The following DYNC2I2 variants were observed in gnomAD, a reference collection of about 807,000 sequenced individuals.
DYNC2I2 encodes dynein 2 intermediate chain 2.
Under a neutral mutation model 52.0 loss-of-function variants are expected in DYNC2I2, and 39 were observed. That is an observed-to-expected ratio of 0.75 (90% confidence interval 0.58 to 0.98). DYNC2I2 has a LOEUF of 0.98. DYNC2I2 is among the 50% of genes least tolerant of loss of function. The pLI, the probability that DYNC2I2 is intolerant of heterozygous loss-of-function variation, is 0.00. For missense variants in DYNC2I2, 743 were observed against 728.4 expected (o/e 1.02, Z -0.23); for synonymous variants, 359 against 321.1 (o/e 1.12, Z -1.26).
chr9:128,646,849 G>A (rs757500250), intron 1 of DYNC2I2, among the ~76,000 whole-genome samples: 2 of 151,892 alleles, frequency 1.3e-5, no homozygotes, highest in Admixed American at 1.3e-4. Context: ...CAGGTTGGCT[G>A]GGCACAGTGG....
Position 128,634,267 on chromosome 9 carries a change from G to A in DYNC2I2, c.1331C>T (p.Ser444Phe), listed in dbSNP as rs1210342300. 2 of 1,613,900 alleles carry A rather than the reference G, an allele frequency of 1.2e-6. No individual in the cohort carries two copies. Among genetic ancestry groups the A allele is most frequent in the Admixed American group, 3.3e-5 (2 of 60,018 alleles). Residue 444 changes from serine to phenylalanine, a missense_variant, in exon 8 of 9, where the codon TCC (serine) becomes TTC (phenylalanine). Ser to Phe is a radical substitution (Grantham distance 155, BLOSUM62 -2). Coordinates refer to ENST00000372715, the MANE Select transcript of DYNC2I2 (RefSeq NM_052844.4). ...SLKYLFAVRW[S>F]PVRPLVFAAA... ...TGCAAAAACCAAGGGCCGCACTGGG[G>A]ACCAGCGCACAGCAAACAGATACTT...
rs191092320 is a variant in DYNC2I2 at position 128,642,639 on chromosome 9, T to C, written c.187-1700A>G. ...CAAAAAAATTAGCCGGGCATGGTCC[T>C]GGGTGCCTGTAGTCCCAGCTACTCG... On this transcript the variant is annotated intron_variant, in intron 1 of 8. Coordinates refer to ENST00000372715, the MANE Select transcript of DYNC2I2 (RefSeq NM_052844.4). 8.1e-4 allele frequency among the ~76,000 whole-genome samples: 123 copies of C among 151,360 alleles called. 1 individual carries two copies. The East Asian group carries it at 0.019, about 24-fold the overall frequency.
At chr9:128,640,456 G>A (rs1043184962) in intron 2 of DYNC2I2, among the ~76,000 whole-genome samples, 1 of 152,186 alleles carries the variant, frequency 6.6e-6, no homozygotes, top group African/African-American at 2.4e-5. Flanking sequence ...TTCCATATAG[G>A]GTGTCCATCT....
At chr9:128,654,917 A>C (rs1432456885) in intron 1 of DYNC2I2, among the ~76,000 whole-genome samples, 1 of 151,990 alleles carries the variant, frequency 6.6e-6, no homozygotes, top group Admixed American at 6.6e-5. Flanking sequence ...ACCTTCTAAC[A>C]CACTGCATAA....
chr9:128,681,280 A>T, the DYNC2I2 span, among the ~76,000 whole-genome samples: 1 of 150,618 alleles, frequency 6.6e-6, no homozygotes, highest in Admixed American at 6.6e-5. Context: ...TAGTAGAGAC[A>T]GGGTTTCACC....
At chr9:128,665,542 G>A in the DYNC2I2 span, among the ~76,000 whole-genome samples, 2 of 152,018 alleles carry the variant, frequency 1.3e-5, no homozygotes, top group Non-Finnish European at 2.9e-5. Flanking sequence ...GGCTGAGGCA[G>A]GTGGATCACC....
At chr9:128,673,170 G>T in the DYNC2I2 span, among the ~76,000 whole-genome samples, 3 of 152,270 alleles carry the variant, frequency 2.0e-5, no homozygotes, top group African/African-American at 7.2e-5. Context: ...TCAAACAGTA[G>T]TAGCAGCTTA....
chr9:128,674,134 T>G, the DYNC2I2 span, among the ~76,000 whole-genome samples: 1 of 151,030 alleles, frequency 6.6e-6, no homozygotes, highest in Non-Finnish European at 1.5e-5. Flanking sequence ...TTTTGTTTTG[T>G]GTGTGTGTGT....
At chr9:128,640,340 AAAG>A (rs1249199088) in intron 2 of DYNC2I2, among the ~76,000 whole-genome samples, 1 of 152,160 alleles carries the variant, frequency 6.6e-6, no homozygotes, top group Non-Finnish European at 1.5e-5. Context: ...TGCCTGGCCC[AAAG>A]AAGGCCCTCA....
the DYNC2I2 span, among the ~76,000 whole-genome samples, chr9:128,668,244 C>A: frequency 5.9e-3 from 819 of 138,538 alleles, 9 homozygotes; most frequent in African/African-American, 0.02. Context: ...CAGGCGTGAG[C>A]CACCACGCCC....
chr9:128,670,534 G>A, the DYNC2I2 span, among the ~76,000 whole-genome samples: 11 of 151,608 alleles, frequency 7.3e-5, no homozygotes, highest in South Asian at 2.1e-3. Context: ...TCAAGAGATC[G>A]AGACCACCCT....
chr9:128,635,153 T>C lies in DYNC2I2; in HGVS notation c.920A>G (p.Gln307Arg), dbSNP rs1860364961. 3 of 1,613,464 alleles carry C rather than the reference T, an allele frequency of 1.9e-6. No individual in the cohort carries two copies. Among genetic ancestry groups the C allele is most frequent in the Non-Finnish European group, 2.5e-6 (3 of 1,179,994 alleles). The change falls in exon 6 of 9, where the codon CAG (glutamine) becomes CGG (arginine). Residue 307 changes from glutamine to arginine, a missense_variant. By Grantham distance (43) the Gln-to-Arg change is conservative (BLOSUM62 1). Transcript: ENST00000372715. ...GACCAGGGCGAAGCCCTCTGTGAGC[T>C]GCAGCTGGCCTACCCCGATGCCCTG... Reference protein sequence around the residue: ...LWQGIGVGQLQLTEGFALVMQ... With the variant: ...LWQGIGVGQLRLTEGFALVMQ...
the DYNC2I2 span, among the ~76,000 whole-genome samples, chr9:128,674,985 G>A: frequency 0.01 from 1,526 of 152,132 alleles, 18 homozygotes; most frequent in South Asian, 0.038. Context: ...CTGAGGCCCC[G>A]TCAGAGCTGA....
chr9:128,637,322 T>G lies in DYNC2I2; in HGVS notation c.436-295A>C, dbSNP rs566935124. On this transcript the variant is annotated intron_variant, in intron 2 of 8. Transcript: ENST00000372715. ...AGCCTCAGGGGCTGCAGCAGGAAGG[T>G]GGGGATGGTTGCCCAGCAGCATAAA... 7.9e-5 allele frequency among the ~76,000 whole-genome samples: 12 copies of G among 152,226 alleles called. No homozygotes were observed. The East Asian group carries it at 2.1e-3, about 27-fold the overall frequency.
intron 1 of DYNC2I2, among the ~76,000 whole-genome samples, chr9:128,646,256 C>T (rs1485730419): frequency 6.6e-6 from 1 of 152,220 alleles, no homozygotes; most frequent in African/African-American, 2.4e-5. Context: ...CACTCTGTCA[C>T]CCAGGCTGGA....
At position 128,656,794 on chromosome 9, in the gene DYNC2I2, G is replaced by T. The variant is rs2132191303; in HGVS notation, c.-68C>A. ...CCTCCGCCCCTACGCCGCCATGAGC[G>T]GAAAACGGGGAATGTGAGGCTGACG... On this transcript the variant is annotated 5_prime_UTR_variant, in exon 1 of 9. Coordinates refer to ENST00000372715, the MANE Select transcript of DYNC2I2 (RefSeq NM_052844.4). The T allele has an allele frequency of 1.3e-5, 17 of 1,299,464 alleles. No individual in the cohort carries two copies. The highest frequency in any genetic ancestry group is 2.9e-4 in the Middle Eastern group (1 of 3,458). The allele number at this position is 1,299,464 out of a possible 1,614,324, so 80.5% of individuals were successfully genotyped here.
chr9:128,641,079 G>A, intron 1 of DYNC2I2, 140 bp from the exon 2 acceptor site: 1 of 1,333,066 alleles, frequency 7.5e-7, no homozygotes, highest in African/African-American at 1.5e-5. Flanking sequence ...GTGAGGTCTT[G>A]GTTGGAGATG....
chr9:128,644,768 G>A (rs1348021714), intron 1 of DYNC2I2, among the ~76,000 whole-genome samples: 1 of 152,178 alleles, frequency 6.6e-6, no homozygotes, highest in African/African-American at 2.4e-5. Context: ...AGCCTATCGG[G>A]CCATTTTCCC....
chr9:128,666,072 C>T, the DYNC2I2 span, among the ~76,000 whole-genome samples: 11 of 151,668 alleles, frequency 7.3e-5, no homozygotes, highest in Non-Finnish European at 1.3e-4. Context: ...AAGACTCCGT[C>T]TCAAAAAAAT....
Sources: allele counts gnomAD v4.1 joint callset (sites outside exome capture counted in the v4.1 genomes callset), GRCh38; gene constraint gnomAD v4.1.1; transcripts MANE v1.5; gene names NCBI Gene and HGNC (gene_info 2026-07-23, HGNC 2026-07-21).